The following DENND10 variants were observed in gnomAD, a reference collection of about 807,000 sequenced individuals.
The protein encoded by DENND10 is DENN domain-containing protein 10.
Under a neutral mutation model 43.6 loss-of-function variants are expected in DENND10, and 24 were observed. The observed-to-expected ratio is 0.55, with a 90% CI of 0.40 to 0.77. The LOEUF is 0.77. Ranked by LOEUF, DENND10 falls within the 30% of genes least tolerant of loss-of-function variation. The probability of loss-of-function intolerance (pLI) is 0.00; values close to 1 mark genes in which losing one functional copy is unlikely to be tolerated. For missense variants in DENND10, 303 were observed against 429.9 expected, an observed-to-expected ratio of 0.70 and a Z score of 2.61; for synonymous variants, 125 against 157.6, an observed-to-expected ratio of 0.79 and a Z score of 1.55.
chr10:119,125,917 G>A (rs536134941), intron 6 of DENND10, among the ~76,000 whole-genome samples: 1 of 151,824 alleles, frequency 6.6e-6, no homozygotes, highest in Non-Finnish European at 1.5e-5. Context: ...CTATATTTTT[G>A]TATCCACTAA....
At chr10:119,135,815 A>AAAAAAAAAC (rs1564804559) in intron 8 of DENND10, among the ~76,000 whole-genome samples, 1 of 137,924 alleles carries the variant, frequency 7.3e-6, no homozygotes, top group Non-Finnish European at 1.6e-5. Flanking sequence ...AAAAAAAAAA[A>AAAAAAAAAC]ACCAAAACCA....
In DENND10 at chr10:119,120,300, G is replaced by A. The variant is rs752738524; in HGVS notation, c.482-41G>A. The A allele has an allele frequency of 6.2e-6, 7 of 1,129,004 alleles. No individual in the cohort carries two copies. The African/African-American group carries it at 9.4e-5, about 15-fold the overall frequency. The allele number at this position is 1,129,004 out of a possible 1,614,324, so 69.9% of individuals were successfully genotyped here. On this transcript the variant is annotated intron_variant, in intron 4 of 8. Coordinates refer to ENST00000361432, the MANE Select transcript of DENND10 (RefSeq NM_207009.4). ...AAAAAAAATCTTTATTTCTTTGCAT[G>A]ATGTGTAATGCAGTAACATTACAAT...
rs1427788470 is a variant in DENND10 at position 119,126,925 on chromosome 10, G to A, written c.695-2590G>A. ...TTCTTTTTTTTTTTTTTGAGACAGG[G>A]TCTTGCTCTGTCGCCCAGGCTGGAG... On this transcript the variant is annotated intron_variant, in intron 6 of 8. Transcript: ENST00000361432. Among the ~76,000 whole-genome samples, 6 of 148,328 alleles carry A rather than the reference G, an allele frequency of 4.0e-5. No homozygotes were observed. In the Admixed American group the frequency reaches 4.1e-4, roughly 10 times the overall value.
intron 4 of DENND10, among the ~76,000 whole-genome samples, chr10:119,119,303 C>T (rs543057483): frequency 6.6e-6 from 1 of 151,256 alleles, no homozygotes; most frequent in South Asian, 2.1e-4. Flanking sequence ...CGCGCCCGGC[C>T]GCTAATTTTT....
chr10:119,107,198 T>G (rs562037324), intron 1 of DENND10, among the ~76,000 whole-genome samples: 1 of 151,560 alleles, frequency 6.6e-6, no homozygotes, highest in East Asian at 2.0e-4. Context: ...GCACCTGTAA[T>G]CCCAGCTACT....
Position 119,132,791 on chromosome 10 carries a change from T to C in DENND10, c.897+182T>C. ...CAAGCAGGTGCAGGCTGGCCTGATC[T>C]AGTTAGTTACTGGGCTCGAGGGCAG... is the stretch of plus-strand genomic sequence containing the variant. On this transcript the variant is annotated intron_variant, in intron 8 of 8. Transcript: ENST00000361432. The surrounding 1 kb of genome is among the most constrained non-coding windows in gnomAD (Gnocchi z 4.2). 1.6e-6 allele frequency: 1 copy of C among 608,552 alleles called. No homozygotes were observed. The highest frequency in any genetic ancestry group is 2.8e-5 in the East Asian group (1 of 36,072). 37.7% of individuals were successfully genotyped at this position (608,552 alleles called of 1,614,324 possible).
chr10:119,115,382 A>ATTTT lies in DENND10; in HGVS notation c.333-2117_333-2114dup, dbSNP rs397845392. On this transcript the variant is annotated intron_variant, in intron 3 of 8. Coordinates refer to ENST00000361432, the MANE Select transcript of DENND10 (RefSeq NM_207009.4). Reference sequence around the variant, plus strand: ...CGTCAAGTTGTGAATTGAATTGGTAATTTTTTTTTTTTTTTTTTTTTTTGA... The same window carrying ATTTT: ...CGTCAAGTTGTGAATTGAATTGGTAATTTTTTTTTTTTTTTTTTTTTTTTTTTGA... Among the ~76,000 whole-genome samples, 5 of 48,416 alleles carry ATTTT rather than the reference A, an allele frequency of 1.0e-4. 1 individual carries two copies. The highest frequency in any genetic ancestry group is 1.6e-3 in the East Asian group (2 of 1,244). 31.8% of individuals were successfully genotyped at this position (48,416 alleles called of 152,430 possible).
rs1490402858 is a variant in DENND10, at chr10:119,137,770, C to T, written c.*1123C>T. On this transcript the variant is annotated 3_prime_UTR_variant, in exon 9 of 9. Transcript: ENST00000361432. ...ATATTTGTTCAATAAAAATTAAACACCCTCCCTTTTTTTTGAGTGAGGGCA... is the reference window on the plus strand; with the variant it reads ...ATATTTGTTCAATAAAAATTAAACATCCTCCCTTTTTTTTGAGTGAGGGCA... 2.4e-5 allele frequency: 4 copies of T among 166,456 alleles called. No homozygotes were observed. In the East Asian group the frequency reaches 5.8e-4, roughly 24 times the overall value. 10.3% of individuals were successfully genotyped at this position (166,456 alleles called of 1,614,324 possible).
chr10:119,136,246 GAGTGCAGT>G (rs1564805083), intron 8 of DENND10, among the ~76,000 whole-genome samples: 1 of 65,656 alleles, frequency 1.5e-5, no homozygotes, highest in Non-Finnish European at 4.3e-5. Context: ...GCCCAGGCTG[GAGTGCAGT>G]GGTGCAATCA....
chr10:119,125,147 T>G (rs931750452), intron 6 of DENND10, among the ~76,000 whole-genome samples: 8 of 151,872 alleles, frequency 5.3e-5, no homozygotes, highest in Admixed American at 1.3e-4. Context: ...AATTTTTGTA[T>G]TTTTAGTAGA....
intron 2 of DENND10, among the ~76,000 whole-genome samples, chr10:119,110,917 A>C (rs1187169783): frequency 6.6e-6 from 1 of 152,166 alleles, no homozygotes; most frequent in Non-Finnish European, 1.5e-5. Context: ...ATTAAGAATA[A>C]TCTATTAATT....
chr10:119,117,859 C>T (rs769410679), intron 4 of DENND10, among the ~76,000 whole-genome samples, 192 bp downstream of exon 4: 3 of 151,904 alleles, frequency 2.0e-5, no homozygotes, highest in African/African-American at 4.8e-5. Context: ...CCCAGCTACT[C>T]GGGAGGCTGA....
chr10:119,115,029 T>A (rs981051554), intron 3 of DENND10, among the ~76,000 whole-genome samples: 16 of 152,140 alleles, frequency 1.1e-4, no homozygotes, highest in Non-Finnish European at 2.2e-4. Context: ...CTCGGCCTCC[T>A]AGAGTGTAGA....
intron 6 of DENND10, among the ~76,000 whole-genome samples, chr10:119,124,732 G>A (rs1344417893): frequency 6.6e-6 from 1 of 151,938 alleles, no homozygotes; most frequent in African/African-American, 2.4e-5. Flanking sequence ...GTGGCATTAA[G>A]TACATTCACG....
chr10:119,116,006 C>T (rs899358104), intron 3 of DENND10, among the ~76,000 whole-genome samples: 3 of 152,064 alleles, frequency 2.0e-5, no homozygotes, highest in South Asian at 4.1e-4. Context: ...TCAAGTGATC[C>T]GCCCACCTTG....
intron 3 of DENND10, 102 bp from the exon 4 acceptor site, chr10:119,117,416 TG>T: frequency 1.7e-6 from 2 of 1,192,162 alleles, no homozygotes; most frequent in Non-Finnish European, 2.4e-6. Flanking sequence ...AGTAGCAAGG[TG>T]GCCTCGGATT....
In DENND10 at chr10:119,136,474, A is replaced by G. The variant is rs779733711; in HGVS notation, c.901A>G (p.Ile301Val). Residue 301 changes from isoleucine (I) to valine (V), a missense_variant, in exon 9 of 9, where the codon ATT (isoleucine) becomes GTT (valine). Transcript: ENST00000361432. ...ATATTTTCCTGTTCTATTAAAGGAT[A>G]TTGCTCTAAAAACAAGAGAAATCTT... is the stretch of plus-strand genomic sequence containing the variant. ...EKSESHVIQD[I>V]ALKTREIFTN... is the part of the protein sequence containing the mutation. 1.2e-6 allele frequency: 2 copies of G among 1,602,460 alleles called. No homozygotes were observed. Among genetic ancestry groups the G allele is most frequent in the South Asian group, 2.3e-5 (2 of 88,404 alleles).
chr10:119,115,625 G>A (rs1037908793), intron 3 of DENND10, among the ~76,000 whole-genome samples: 3 of 149,714 alleles, frequency 2.0e-5, no homozygotes, highest in South Asian at 2.1e-4. Flanking sequence ...TCCTGACCTC[G>A]TGATCCGCCC....
At position 119,117,687 on chromosome 10, in the gene DENND10, G is replaced by T. The variant is rs770300595; in HGVS notation, c.481+20G>T. 6.2e-7 allele frequency: 1 copy of T among 1,612,118 alleles called. No individual in the cohort carries two copies. The highest frequency in any genetic ancestry group is 8.5e-7 in the Non-Finnish European group (1 of 1,179,328). On this transcript the variant is annotated intron_variant, in intron 4 of 8. Coordinates refer to ENST00000361432, the MANE Select transcript of DENND10 (RefSeq NM_207009.4). ...TCAAAGGTAAGAAGGGAAAAAACAG[G>T]CCAGGGACGGTGGCTCACGCCTGTA...
Sources: gnomAD v4.1 joint callset for allele counts (sites outside exome capture counted in the v4.1 genomes callset) on GRCh38, gnomAD v4.1.1 for gene constraint, Gnocchi (gnomAD v3.1) non-coding constraint, MANE v1.5 for transcripts, NCBI Gene and HGNC (gene_info 2026-07-23, HGNC 2026-07-21) for gene names.